Variants in HSD17B2 observed in about 807,000 individuals in gnomAD.
HSD17B2 encodes 17-beta-hydroxysteroid dehydrogenase type 2.
A neutral mutation model predicts 26.9 loss-of-function variants in HSD17B2; 32 were observed. The observed-to-expected ratio is 1.19, with a 90% CI of 0.90 to 1.60. The LOEUF (loss-of-function observed/expected upper bound fraction) is 1.60. Ranked by LOEUF, HSD17B2 falls within the 40% of genes most tolerant of loss-of-function variation. HSD17B2 has a pLI of 0.00. For synonymous variants in HSD17B2, 246 were observed against 186.7 expected (o/e 1.32, Z -2.59); for missense variants, 613 against 468.6 (o/e 1.31, Z -2.85).
Position 82,071,166 on chromosome 16 carries a change from T to A in HSD17B2, c.664+39T>A, listed in dbSNP as rs376828783. 1.2e-5 allele frequency: 19 copies of A among 1,583,786 alleles called. No individual in the cohort carries two copies. The African/African-American group carries it at 2.0e-4, about 17-fold the overall frequency. ...TTCACACATGGTCATGGGGTGCCCA[T>A]CACAAGACATGGCTCATGGCATTCT... On this transcript the variant is annotated intron_variant, in intron 3 of 4. Transcript: ENST00000199936.
chr16:82,088,754 G>A (rs568926076), intron 3 of HSD17B2, among the ~76,000 whole-genome samples: 40 of 152,188 alleles, frequency 2.6e-4, no homozygotes, highest in African/African-American at 5.5e-4. Flanking sequence ...GGCCATCTGT[G>A]GCAAGATTAA....
intron 3 of HSD17B2, chr16:82,071,666 A>G (rs1332163495): frequency 1.5e-5 from 3 of 195,344 alleles, no homozygotes; most frequent in Non-Finnish European, 3.2e-5. Flanking sequence ...TGTTTCCAAG[A>G]ACAAATAGTA....
At chr16:82,094,245 ACT>A (rs1369585476) in intron 4 of HSD17B2, 1 of 152,102 alleles carries the variant, frequency 6.6e-6, no homozygotes, top group Non-Finnish European at 1.5e-5. Context: ...AGATGGAGTT[ACT>A]CTTGTTCAAA....
intron 1 of HSD17B2, among the ~76,000 whole-genome samples, chr16:82,054,213 A>C (rs904395761): frequency 6.6e-6 from 1 of 151,888 alleles, no homozygotes; most frequent in Non-Finnish European, 1.5e-5. Context: ...ATATCGAAAA[A>C]AAAAAAAAAA....
intron 1 of HSD17B2, among the ~76,000 whole-genome samples, chr16:82,062,141 A>C (rs1222932091): frequency 6.6e-6 from 1 of 152,218 alleles, no homozygotes; most frequent in Non-Finnish European, 1.5e-5. Context: ...CCTCAAATTC[A>C]AGGTGATTCA....
intron 1 of HSD17B2, 84 bp downstream of exon 1, chr16:82,035,773 A>C: frequency 7.1e-7 from 1 of 1,407,444 alleles, no homozygotes; most frequent in South Asian, 1.3e-5. Context: ...AATCTGGCTT[A>C]AAAATAAAAT....
At chr16:82,073,877 A>G (rs1914753636) in intron 3 of HSD17B2, among the ~76,000 whole-genome samples, 1 of 152,238 alleles carries the variant, frequency 6.6e-6, no homozygotes, top group Non-Finnish European at 1.5e-5. Context: ...GAACCAAAAA[A>G]GAACATGAAT....
At position 82,044,992 on chromosome 16, in the gene HSD17B2, C is replaced by G. The variant is rs1913877423; in HGVS notation, c.265+9303C>G. Among the ~76,000 whole-genome samples the G allele has an allele frequency of 2.0e-5, 3 of 151,796 alleles. No homozygotes were observed. In the South Asian group the frequency reaches 6.2e-4, roughly 32 times the overall value. ...AATTATTAGGGCATGGTGGTGTGCA[C>G]CTGTAATCCTGGCTACTCTACTCAG... is the stretch of plus-strand genomic sequence containing the variant. On this transcript the variant is annotated intron_variant, in intron 1 of 4. Coordinates refer to ENST00000199936, the MANE Select transcript of HSD17B2 (RefSeq NM_002153.3).
chr16:82,075,505 C>A (rs903713197), intron 3 of HSD17B2, among the ~76,000 whole-genome samples: 1 of 151,468 alleles, frequency 6.6e-6, no homozygotes, highest in African/African-American at 2.4e-5. Context: ...AGAGAAGACC[C>A]AATAAAAATC....
At position 82,040,668 on chromosome 16, in the gene HSD17B2, G is replaced by C. The variant is rs372942782; in HGVS notation, c.265+4979G>C. ...CTGCTTAATACAGAGCTTGGCAATTGATTGGGTGTAGAAGATGCTTATGAG... is the reference window on the plus strand; with the variant it reads ...CTGCTTAATACAGAGCTTGGCAATTCATTGGGTGTAGAAGATGCTTATGAG... On this transcript the variant is annotated intron_variant, in intron 1 of 4. Transcript: ENST00000199936. Among the ~76,000 whole-genome samples the C allele has an allele frequency of 2.6e-5, 4 of 152,348 alleles. No individual in the cohort carries two copies. The South Asian group carries it at 6.2e-4, about 24-fold the overall frequency.
At position 82,050,397 on chromosome 16, in the gene HSD17B2, T is replaced by C. The variant is rs144278694; in HGVS notation, c.265+14708T>C. ...CTATTACTTTCCAACTGCACCTAGA[T>C]ATGTCCACGGCTCGTCACCTCCCCT... is the stretch of plus-strand genomic sequence containing the variant. On this transcript the variant is annotated intron_variant, in intron 1 of 4. Transcript: ENST00000199936. Among the ~76,000 whole-genome samples, 7 of 152,158 alleles carry C rather than the reference T, an allele frequency of 4.6e-5. No individual in the cohort carries two copies. In the East Asian group the frequency reaches 1.2e-3, roughly 25 times the overall value.
At chr16:82,073,723 AAT>A (rs1239901901) in intron 3 of HSD17B2, among the ~76,000 whole-genome samples, 2 of 152,178 alleles carry the variant, frequency 1.3e-5, no homozygotes, top group African/African-American at 4.8e-5. Context: ...AAATGGAAAA[AAT>A]CTCATGTTCA....
intron 3 of HSD17B2, 145 bp from the exon 4 acceptor site, chr16:82,090,757 C>A: frequency 2.8e-6 from 2 of 716,858 alleles, no homozygotes; most frequent in South Asian, 1.9e-5. Context: ...ACATTGCTCA[C>A]CTGGGCTCAG....
chr16:82,039,032 A>T (rs1944804616), intron 1 of HSD17B2, among the ~76,000 whole-genome samples: 1 of 152,144 alleles, frequency 6.6e-6, no homozygotes, highest in Admixed American at 6.5e-5. Context: ...CTGGCTGGCA[A>T]AGTGGGTTCT....
rs575611208 is a variant in HSD17B2, at chr16:82,091,302, G to C, written c.802+263G>C. 16 of 480,628 alleles carry C rather than the reference G, an allele frequency of 3.3e-5. No homozygotes were observed. In the East Asian group the frequency reaches 6.7e-4, roughly 20 times the overall value. 29.8% of individuals were successfully genotyped at this position (480,628 alleles called of 1,614,324 possible). A position where few individuals can be genotyped will look rare whatever the true frequency, so the allele number is the denominator to read the frequency against. On this transcript the variant is annotated intron_variant, in intron 4 of 4. Coordinates refer to ENST00000199936, the MANE Select transcript of HSD17B2 (RefSeq NM_002153.3). ...GAGAGGGGAAAGCATGGCTCAGTAAGTCAGATTAGTGAAAAAGTACAAGGG... is the reference window on the plus strand; with the variant it reads ...GAGAGGGGAAAGCATGGCTCAGTAACTCAGATTAGTGAAAAAGTACAAGGG...
At chr16:82,043,107 CTTCT>C (rs1913812004) in intron 1 of HSD17B2, among the ~76,000 whole-genome samples, 3 of 152,214 alleles carry the variant, frequency 2.0e-5, no homozygotes, top group Non-Finnish European at 2.9e-5. Context: ...GGGCCTCTGT[CTTCT>C]TATTCAGGCT....
chr16:82,058,071 ATTTTTTT>A (rs72053726), intron 1 of HSD17B2, among the ~76,000 whole-genome samples: 79 of 141,384 alleles, frequency 5.6e-4, no homozygotes, highest in African/African-American at 1.9e-3. Flanking sequence ...GTTGTTGTTA[ATTTTTTT>A]TTTTTTTTTT....
chr16:82,094,230 A>G (rs900706505), intron 4 of HSD17B2: 4 of 152,214 alleles, frequency 2.6e-5, no homozygotes, highest in Non-Finnish European at 5.9e-5. Flanking sequence ...CCCAGCCCCT[A>G]TTCAAGATGG....
At chr16:82,080,596 C>T (rs1904352788) in intron 3 of HSD17B2, among the ~76,000 whole-genome samples, 1 of 152,168 alleles carries the variant, frequency 6.6e-6, no homozygotes, top group African/African-American at 2.4e-5. Context: ...AATGTTTAAG[C>T]CACTAGGTTT....
Sources: gnomAD v4.1 joint callset for allele counts (sites outside exome capture counted in the v4.1 genomes callset) on GRCh38, gnomAD v4.1.1 for gene constraint, MANE v1.5 for transcripts, NCBI Gene and HGNC (gene_info 2026-07-23, HGNC 2026-07-21) for gene names.